TFIP11: variants seen among roughly 807,000 people sequenced by gnomAD.
TFIP11 encodes the protein tuftelin interacting protein 11, also known as tuftelin-interacting protein 11.
In TFIP11, 86 loss-of-function variants were observed where a neutral mutation model predicts 96.8. The ratio of observed to expected loss-of-function variants is 0.89; its 90% CI spans 0.75 to 1.06. The LOEUF (loss-of-function observed/expected upper bound fraction) is 1.06. Ranked by LOEUF, TFIP11 falls within the 50% of genes least tolerant of loss-of-function variation. The pLI, the probability that TFIP11 is intolerant of heterozygous loss-of-function variation, is 0.00. For missense variants in TFIP11, 881 were observed against 1,076.7 expected, an observed-to-expected ratio of 0.82 and a Z score of 2.54; for synonymous variants, 405 against 395.2, an observed-to-expected ratio of 1.02 and a Z score of -0.29.
intron 6 of TFIP11, among the ~76,000 whole-genome samples, chr22:26,504,631 T>C (rs905738301): frequency 1.3e-4 from 20 of 152,046 alleles, no homozygotes; most frequent in Admixed American, 7.9e-4. Flanking sequence ...TGCCATGCCA[T>C]TGCACTCTAC....
intron 2 of TFIP11, chr22:26,511,862 C>A (rs558157999): frequency 6.6e-6 from 1 of 152,132 alleles, no homozygotes; most frequent in African/African-American, 2.4e-5. Context: ...TCAGAAAAGA[C>A]GGGGAATCTC....
intron 6 of TFIP11, among the ~76,000 whole-genome samples, chr22:26,504,997 A>T (rs1002764108): frequency 3.3e-5 from 5 of 152,040 alleles, no homozygotes; most frequent in Non-Finnish European, 7.4e-5. Flanking sequence ...AATCACTTGA[A>T]CCCAGGAGGT....
intron 4 of TFIP11, among the ~76,000 whole-genome samples, chr22:26,509,084 C>T (rs752818054): frequency 6.6e-6 from 1 of 152,180 alleles, no homozygotes; most frequent in Non-Finnish European, 1.5e-5. Context: ...GGCCTCCTCA[C>T]AGTCTTCCAC....
At chr22:26,493,749 G>GCAAT (rs1411195778) in intron 14 of TFIP11, 5 of 209,900 alleles carry the variant, frequency 2.4e-5, no homozygotes, top group African/African-American at 4.6e-5. Context: ...TTAAGGCTGA[G>GCAAT]CAATCACCAA....
chr22:26,500,143 G>A lies in TFIP11; in HGVS notation c.802-512C>T, dbSNP rs532797824. The stretch of plus-strand genomic sequence containing the variant: ...TTTCTAAAATGTACTACACACTGCT[G>A]TGTAATAACAAAGTTTTTTTAAATT... On this transcript the variant is annotated intron_variant, in intron 8 of 14. Transcript: ENST00000407690. Among the ~76,000 whole-genome samples, 3 of 152,206 alleles carry A rather than the reference G, an allele frequency of 2.0e-5. No individual in the cohort carries two copies. In the East Asian group the frequency reaches 5.8e-4, roughly 29 times the overall value.
At chr22:26,500,278 T>TC (rs1052060188) in intron 8 of TFIP11, among the ~76,000 whole-genome samples, 1 of 152,154 alleles carries the variant, frequency 6.6e-6, no homozygotes, top group Non-Finnish European at 1.5e-5. Flanking sequence ...TAAGCCATTC[T>TC]CCTGCCTCAG....
intron 4 of TFIP11, among the ~76,000 whole-genome samples, chr22:26,507,928 A>C (rs1414474794): frequency 1.3e-5 from 2 of 152,182 alleles, no homozygotes; most frequent in Admixed American, 6.5e-5. Flanking sequence ...CAACATAGCA[A>C]AATCCTATCT....
rs144190669 is a variant in TFIP11, at chr22:26,504,801, C to T, written c.521-1008G>A. On this transcript the variant is annotated intron_variant, in intron 6 of 14. Coordinates refer to ENST00000407690, the MANE Select transcript of TFIP11 (RefSeq NM_012143.4). ...CTTTAATAATTATTTAGAGGCCAGG[C>T]GCAGTGGCTCACACCTATAATCCCA... Among the ~76,000 whole-genome samples the T allele has an allele frequency of 2.9e-3, 441 of 152,146 alleles. 9 individuals carry two copies. The East Asian group carries it at 0.039, about 13-fold the overall frequency.
chr22:26,510,033 A>G (rs773520819), intron 4 of TFIP11, 31 bp downstream of exon 4: 1 of 1,609,620 alleles, frequency 6.2e-7, no homozygotes, highest in African/African-American at 1.3e-5. Flanking sequence ...TCCCTAAAGC[A>G]AGGTGAAGCA....
intron 8 of TFIP11, 36 bp from the exon 9 acceptor site, chr22:26,499,667 T>A: frequency 6.4e-7 from 1 of 1,568,730 alleles, no homozygotes; most frequent in Non-Finnish European, 8.6e-7. Context: ...TTAACACCGC[T>A]GCAGCCCTGT....
Position 26,499,265 on chromosome 22 carries a change from C to T in TFIP11, c.1168G>A (p.Asp390Asn), listed in dbSNP as rs56242702. 1.0e-3 allele frequency: 1,613 copies of T among 1,613,736 alleles called. 3 individuals are homozygous for T. Among genetic ancestry groups the T allele is most frequent in the Non-Finnish European group, 1.2e-3 (1,374 of 1,179,820 alleles). ...VEECERRMQP[D>N]CSNPLTLDEC... is the part of the protein sequence containing the mutation. The stretch of plus-strand genomic sequence containing the variant: ...TCCAGGGTGAGGGGGTTGCTGCAGT[C>T]GGGCTGCATCCGCCGCTCGCACTCC... The change falls in exon 9 of 15, where the codon GAC becomes AAC. Residue 390 changes from aspartate (D) to asparagine (N), a missense_variant. Asp to Asn is a conservative substitution (Grantham distance 23). Coordinates refer to ENST00000407690, the MANE Select transcript of TFIP11 (RefSeq NM_012143.4).
chr22:26,494,288 A>G lies in TFIP11; in HGVS notation c.2009T>C (p.Leu670Pro), dbSNP rs1569155848. 6.2e-7 allele frequency: 1 copy of G among 1,614,246 alleles called. No homozygotes were observed. The highest frequency in any genetic ancestry group is 8.5e-7 in the Non-Finnish European group (1 of 1,180,042). ...PKWLQVLCSW[L>P]SNSPNYEEIT... ...CTCCTCATAATTTGGGCTGTTACTG[A>G]GCCAAGAGCACAGCACCTGCCAAAA... Residue 670 changes from leucine (L) to proline (P), a missense_variant, in exon 14 of 15, where the codon CTC becomes CCC. Leu to Pro is a moderately conservative substitution (Grantham distance 98). Transcript: ENST00000407690.
rs1602201112 is a variant in TFIP11 at position 26,496,252 on chromosome 22, G to A, written c.1670C>T (p.Pro557Leu). Residue 557 changes from proline to leucine, a missense_variant, in exon 12 of 15, where the codon CCC (proline) becomes CTC (leucine). Physicochemically the swap from Pro to Leu is moderately conservative, Grantham distance 98 (BLOSUM62 -3). Coordinates refer to ENST00000407690, the MANE Select transcript of TFIP11 (RefSeq NM_012143.4). ...TGGCTCCAGCCGTGCCTGCATAAGG[G>A]GCAGCCATGGGTGGATCCAAGAGTG... ...PIHSWIHPWL[P>L]LMQARLEPLY... The A allele has an allele frequency of 3.1e-6, 5 of 1,613,872 alleles. No homozygotes were observed. The East Asian group carries it at 1.1e-4, about 36-fold the overall frequency.
intron 8 of TFIP11, among the ~76,000 whole-genome samples, chr22:26,500,313 G>A (rs1922619863): frequency 1.3e-5 from 2 of 152,084 alleles, no homozygotes; most frequent in African/African-American, 4.8e-5. Flanking sequence ...GGGACTACAG[G>A]CGCCCGTCAC....
intron 7 of TFIP11, among the ~76,000 whole-genome samples, 200 bp downstream of exon 7, chr22:26,503,466 C>T (rs1037752359): frequency 6.6e-6 from 1 of 152,234 alleles, no homozygotes; most frequent in Non-Finnish European, 1.5e-5. Flanking sequence ...ATTTCAACTG[C>T]CACTTCCACA....
intron 6 of TFIP11, among the ~76,000 whole-genome samples, chr22:26,505,329 G>A (rs1354342828): frequency 5.3e-5 from 8 of 152,174 alleles, no homozygotes; most frequent in Non-Finnish European, 8.8e-5. Context: ...GAGGAAGATG[G>A]AAGTAACCAA....
At chr22:26,509,936 A>T (rs1047052634) in intron 4 of TFIP11, 128 bp downstream of exon 4, 5 of 867,002 alleles carry the variant, frequency 5.8e-6, no homozygotes, top group Non-Finnish European at 9.1e-6. Context: ...TCTCGAGATG[A>T]TGTCACAGCT....
intron 2 of TFIP11, chr22:26,511,876 T>C (rs1411950720): frequency 6.6e-6 from 1 of 152,174 alleles, no homozygotes; most frequent in Non-Finnish European, 1.5e-5. Flanking sequence ...GAATCTCAAA[T>C]ACATAAAGTT....
chr22:26,499,607 G>A lies in TFIP11; in HGVS notation c.826C>T (p.Gln276Ter). The A allele has an allele frequency of 6.2e-7, 1 of 1,612,894 alleles. No homozygotes were observed. The highest frequency in any genetic ancestry group is 8.5e-7 in the Non-Finnish European group (1 of 1,179,510). The change falls in exon 9 of 15, where the codon CAG becomes TAG. Residue 276 changes from glutamine to a stop codon, truncating the protein, a stop_gained. Coordinates refer to ENST00000407690, the MANE Select transcript of TFIP11 (RefSeq NM_012143.4). LOFTEE classifies it high-confidence loss of function. ...TGACTGTAGCTGTAGTAGACCTTCT[G>A]CTCCCGGCCTGTCATGTCTATGACC... ...VKVIDMTGRE[Q>*]KVYYSYSQIS...
Sources: gnomAD v4.1 joint callset for allele counts (sites outside exome capture counted in the v4.1 genomes callset) on GRCh38, gnomAD v4.1.1 for gene constraint, MANE v1.5 for transcripts, NCBI Gene and HGNC (gene_info 2026-07-23, HGNC 2026-07-21) for gene names.